OCA2: variants seen among roughly 807,000 people sequenced by gnomAD.
OCA2 encodes P protein.
In OCA2, 77 loss-of-function variants were observed where a neutral mutation model predicts 100.2. That is an observed-to-expected ratio of 0.77 (90% confidence interval 0.64 to 0.93). OCA2 has a LOEUF of 0.93. Ranked by LOEUF, OCA2 falls within the 40% of genes least tolerant of loss-of-function variation. The pLI is 0.00. For synonymous variants in OCA2, 432 were observed against 439.2 expected (o/e 0.98, Z 0.21); for missense variants, 1,062 against 1,089.1 (o/e 0.98, Z 0.35).
chr15:27,788,533 C>T (rs75159701), intron 23 of OCA2, among the ~76,000 whole-genome samples: 1 of 152,058 alleles, frequency 6.6e-6, no homozygotes, highest in Non-Finnish European at 1.5e-5. Context: ...CTTATGTTTG[C>T]ACCATTCCAT....
chr15:28,031,116 A>G (rs539200315), intron 3 of OCA2, among the ~76,000 whole-genome samples: 60 of 152,318 alleles, frequency 3.9e-4, no homozygotes, highest in African/African-American at 1.3e-3. Flanking sequence ...AACTAATCAA[A>G]TTGCTGTAAC....
At chr15:27,779,977 T>C (rs2032453248) in intron 23 of OCA2, among the ~76,000 whole-genome samples, 1 of 152,166 alleles carries the variant, frequency 6.6e-6, no homozygotes, top group Admixed American at 6.5e-5. Context: ...CACTCAAAAA[T>C]CTAAGAGGGT....
chr15:28,032,050 G>A lies in OCA2; in HGVS notation c.326+15C>T, dbSNP rs1393813938. The stretch of plus-strand genomic sequence containing the variant: ...CAGAAACTCTTACTTTCATATGAGG[G>A]GGAAAATATCTCACCCTTTCTCCTG... On this transcript the variant is annotated intron_variant, in intron 3 of 23. Coordinates refer to ENST00000354638, the MANE Select transcript of OCA2 (RefSeq NM_000275.3). The A allele has an allele frequency of 4.4e-6, 7 of 1,591,212 alleles. No individual in the cohort carries two copies. Among genetic ancestry groups the A allele is most frequent in the Middle Eastern group, 1.7e-4 (1 of 6,026 alleles).
intron 23 of OCA2, among the ~76,000 whole-genome samples, chr15:27,831,024 A>G (rs1330578560): frequency 6.6e-6 from 1 of 152,220 alleles, no homozygotes; most frequent in Non-Finnish European, 1.5e-5. Flanking sequence ...GTCTGAGCTC[A>G]CGCCTGTAAT....
At chr15:27,758,732 T>C (rs918779568) in intron 23 of OCA2, among the ~76,000 whole-genome samples, 1 of 151,928 alleles carries the variant, frequency 6.6e-6, no homozygotes, top group African/African-American at 2.4e-5. Flanking sequence ...ATGGAGAGTA[T>C]AAAGGAAAGA....
intron 21 of OCA2, among the ~76,000 whole-genome samples, chr15:27,870,810 A>AAGAG (rs149989219): frequency 2.3e-5 from 2 of 88,248 alleles, no homozygotes; most frequent in South Asian, 7.7e-4. Flanking sequence ...GAAAGAAAGA[A>AAGAG]AGAGAGAGAG....
At chr15:28,036,298 T>C (rs1389542037) in intron 2 of OCA2, among the ~76,000 whole-genome samples, 2 of 152,206 alleles carry the variant, frequency 1.3e-5, no homozygotes, top group African/African-American at 4.8e-5. Flanking sequence ...TTAGGATAGA[T>C]TCCTAGACGT....
intron 23 of OCA2, among the ~76,000 whole-genome samples, chr15:27,828,893 G>A (rs1216183594): frequency 2.6e-5 from 4 of 152,140 alleles, no homozygotes; most frequent in Admixed American, 6.6e-5. Flanking sequence ...GGGCTCTGCC[G>A]CCCTCTCAAG....
chr15:27,727,265 C>CTGTA, the OCA2 span, among the ~76,000 whole-genome samples: 9 of 152,192 alleles, frequency 5.9e-5, no homozygotes, highest in African/African-American at 1.7e-4. Flanking sequence ...CTACAGCTGC[C>CTGTA]TGTACATCAA....
intron 19 of OCA2, chr15:27,896,401 A>G: frequency 2.7e-6 from 2 of 727,280 alleles, no homozygotes; most frequent in Admixed American, 1.8e-5. Flanking sequence ...GACATGATGG[A>G]GGAGATGTAA....
chr15:27,775,992 C>G (rs2151067485), intron 23 of OCA2, among the ~76,000 whole-genome samples: 1 of 152,344 alleles, frequency 6.6e-6, no homozygotes, highest in East Asian at 1.9e-4. Flanking sequence ...AAAGTTTTGC[C>G]ATGTGCCCTT....
At chr15:27,749,840 T>C in the OCA2 span, among the ~76,000 whole-genome samples, 14 of 152,200 alleles carry the variant, frequency 9.2e-5, no homozygotes, top group Middle Eastern at 3.4e-3. Context: ...AAAAGAGACC[T>C]AAATAAATGG....
chr15:27,736,593 C>T, the OCA2 span, among the ~76,000 whole-genome samples: 1 of 151,970 alleles, frequency 6.6e-6, no homozygotes, highest in Non-Finnish European at 1.5e-5. Context: ...CCTAAATGCC[C>T]CTGGTTATCT....
intron 2 of OCA2, among the ~76,000 whole-genome samples, chr15:28,052,912 G>A (rs943423538): frequency 1.3e-5 from 2 of 152,178 alleles, no homozygotes; most frequent in African/African-American, 2.4e-5. Flanking sequence ...GTAAGACTCT[G>A]TGAGCAAGTA....
intron 21 of OCA2, among the ~76,000 whole-genome samples, chr15:27,852,226 T>G (rs2035780361): frequency 6.6e-6 from 1 of 152,246 alleles, no homozygotes; most frequent in Admixed American, 6.5e-5. Flanking sequence ...CATCTTGAAT[T>G]GATTTTTGTA....
At chr15:27,896,086 T>A in intron 19 of OCA2, 1 of 1,169,758 alleles carries the variant, frequency 8.5e-7, no homozygotes, top group Middle Eastern at 2.8e-4. Context: ...GAATACAATG[T>A]GGAAAGCATT....
chr15:27,908,992 T>C (rs2038283936), intron 19 of OCA2, among the ~76,000 whole-genome samples: 2 of 152,196 alleles, frequency 1.3e-5, no homozygotes, highest in South Asian at 4.1e-4. Flanking sequence ...TTTCTAAGCA[T>C]GGCATTCATA....
intron 23 of OCA2, among the ~76,000 whole-genome samples, chr15:27,769,378 TTGC>T (rs1163100183): frequency 6.6e-6 from 1 of 152,210 alleles, no homozygotes; most frequent in East Asian, 1.9e-4. Flanking sequence ...GGCTTCCGGA[TTGC>T]TGGGAAATGG....
Position 27,962,486 on chromosome 15 carries a change from A to C in OCA2, c.1636+4204T>G, listed in dbSNP as rs111901787. On this transcript the variant is annotated intron_variant, in intron 15 of 23. Coordinates refer to ENST00000354638, the MANE Select transcript of OCA2 (RefSeq NM_000275.3). ...TCTGACACAGGAGGTGATGGCTTCC[A>C]GGGAAGCCTAGAGTAGTGAGCTCAG... 8.6e-3 allele frequency among the ~76,000 whole-genome samples: 1,303 copies of C among 152,336 alleles called. 23 individuals are homozygous for C. Among genetic ancestry groups the C allele is most frequent in the African/African-American group, 0.029 (1,216 of 41,570 alleles).
Sources: allele counts gnomAD v4.1 joint callset (sites outside exome capture counted in the v4.1 genomes callset), GRCh38; gene constraint gnomAD v4.1.1; transcripts MANE v1.5; gene names NCBI Gene and HGNC (gene_info 2026-07-23, HGNC 2026-07-21).